Variants in NRXN3 observed in about 807,000 individuals in gnomAD.
NRXN3 encodes neurexin III.
In NRXN3, 32 loss-of-function variants were observed where a neutral mutation model predicts 137.6. That is an observed-to-expected ratio of 0.23 (90% confidence interval 0.18 to 0.31). NRXN3 has a LOEUF of 0.31. Ranked by LOEUF, NRXN3 falls within the 10% of genes least tolerant of loss-of-function variation. The probability of loss-of-function intolerance (pLI) is 1.00; values close to 1 mark genes in which losing one functional copy is unlikely to be tolerated. For synonymous variants in NRXN3, 798 were observed against 784.5 expected, an observed-to-expected ratio of 1.02 and a Z score of -0.29; for missense variants, 1,574 against 2,062.5, an observed-to-expected ratio of 0.76 and a Z score of 4.59.
chr14:79,546,970 G>C (rs1315535810), intron 16 of NRXN3, among the ~76,000 whole-genome samples: 1 of 152,132 alleles, frequency 6.6e-6, no homozygotes, highest in Non-Finnish European at 1.5e-5. Flanking sequence ...ACCAGGAAAA[G>C]CTCTGATTAT....
At chr14:79,198,923 T>C (rs899685699) in intron 15 of NRXN3, among the ~76,000 whole-genome samples, 3 of 152,098 alleles carry the variant, frequency 2.0e-5, no homozygotes, top group Non-Finnish European at 4.4e-5. Flanking sequence ...ATCCAGCACT[T>C]TGGGAGGCCG....
chr14:79,272,216 G>GT (rs71131691), intron 15 of NRXN3, among the ~76,000 whole-genome samples: 89,775 of 132,534 alleles, frequency 0.68, 30,524 homozygotes, highest in African/African-American at 0.76. Flanking sequence ...TTTGGTTTAG[G>GT]TTTTTTTTTT....
chr14:78,728,811 A>C (rs2098500185), intron 8 of NRXN3, among the ~76,000 whole-genome samples: 1 of 152,208 alleles, frequency 6.6e-6, no homozygotes, highest in African/African-American at 2.4e-5. Flanking sequence ...AGGCAGGAGA[A>C]TCGCATGAAC....
At chr14:78,516,177 A>G (rs929713828) in intron 4 of NRXN3, among the ~76,000 whole-genome samples, 2 of 151,934 alleles carry the variant, frequency 1.3e-5, no homozygotes, top group Non-Finnish European at 2.9e-5. Flanking sequence ...AAAAGTGAGA[A>G]GGCCAATATA....
intron 16 of NRXN3, among the ~76,000 whole-genome samples, chr14:79,492,542 C>G (rs140161646): frequency 2.1e-4 from 32 of 152,120 alleles, no homozygotes; most frequent in African/African-American, 7.5e-4. Context: ...GCTACCATGC[C>G]CAGCTAACTT....
chr14:79,070,831 C>A (rs545536888), intron 15 of NRXN3, among the ~76,000 whole-genome samples: 1 of 152,200 alleles, frequency 6.6e-6, no homozygotes, highest in East Asian at 1.9e-4. Flanking sequence ...GAAAAAAATA[C>A]GTCCAGATTA....
chr14:79,862,091 C>T lies in NRXN3; in HGVS notation c.*127C>T. ...TATGAAATGGGGTATATAACCACGA[C>T]TCTGGTGGGGAAAACCGTTTTTTAA... is the stretch of plus-strand genomic sequence containing the variant. On this transcript the variant is annotated 3_prime_UTR_variant, in exon 21 of 21. Coordinates refer to ENST00000335750, the MANE Select transcript of NRXN3 (RefSeq NM_001330195.2). 1 of 800,564 alleles carries T rather than the reference C, an allele frequency of 1.2e-6. No homozygotes were observed. Among genetic ancestry groups the T allele is most frequent in the Non-Finnish European group, 2.0e-6 (1 of 508,916 alleles). The allele number at this position is 800,564 out of a possible 1,614,324, so 49.6% of individuals were successfully genotyped here. A position where few individuals can be genotyped will look rare whatever the true frequency, so the allele number is the denominator to read the frequency against.
At chr14:79,665,169 G>A (rs142959764) in intron 17 of NRXN3, among the ~76,000 whole-genome samples, 34 of 152,228 alleles carry the variant, frequency 2.2e-4, no homozygotes, top group Middle Eastern at 3.4e-3. Flanking sequence ...CTGTTGGGTT[G>A]TTCCCTAACT....
chr14:78,734,244 C>T (rs1233190540), intron 8 of NRXN3, among the ~76,000 whole-genome samples: 1 of 151,322 alleles, frequency 6.6e-6, no homozygotes, highest in African/African-American at 2.4e-5. Flanking sequence ...CACACACACA[C>T]ACACACACAC....
At chr14:78,756,005 G>A (rs2098666524) in intron 8 of NRXN3, among the ~76,000 whole-genome samples, 1 of 152,102 alleles carries the variant, frequency 6.6e-6, no homozygotes, top group African/African-American at 2.4e-5. Flanking sequence ...TGATGGTTTT[G>A]GACATGGAAA....
At chr14:78,967,146 T>C (rs1007663672) in intron 12 of NRXN3, 62 bp from the exon 13 acceptor site, 6 of 1,439,216 alleles carry the variant, frequency 4.2e-6, no homozygotes, top group African/African-American at 1.4e-5. Context: ...GTTACACACA[T>C]ATAGCCATTA....
chr14:79,241,836 G>A (rs1034712873), intron 15 of NRXN3, among the ~76,000 whole-genome samples: 1 of 152,152 alleles, frequency 6.6e-6, no homozygotes, highest in Admixed American at 6.5e-5. Flanking sequence ...GGAGGCTGAG[G>A]CAGACAGATC....
intron 10 of NRXN3, among the ~76,000 whole-genome samples, chr14:78,884,254 T>G (rs78756162): frequency 0.054 from 8,272 of 152,188 alleles, 414 homozygotes; most frequent in East Asian, 0.27. Context: ...AGCATTTATT[T>G]TTTGGGTATT....
intron 16 of NRXN3, among the ~76,000 whole-genome samples, chr14:79,519,752 G>C (rs1442250865): frequency 6.8e-6 from 1 of 146,074 alleles, no homozygotes; most frequent in African/African-American, 2.6e-5. Flanking sequence ...ATCAGAAAAT[G>C]TGTACAATAG....
intron 4 of NRXN3, among the ~76,000 whole-genome samples, chr14:78,422,839 G>C (rs2093503591): frequency 6.6e-6 from 1 of 152,204 alleles, no homozygotes; most frequent in Non-Finnish European, 1.5e-5. Context: ...CAGTGCATTT[G>C]AGACCAAGCA....
chr14:79,793,351 C>T (rs2099151381), intron 19 of NRXN3, among the ~76,000 whole-genome samples: 1 of 152,076 alleles, frequency 6.6e-6, no homozygotes, highest in Non-Finnish European at 1.5e-5. Context: ...GGAGGCGGAG[C>T]TTGCAGTGAG....
At chr14:79,348,314 G>C (rs1264743203) in intron 15 of NRXN3, among the ~76,000 whole-genome samples, 1 of 151,834 alleles carries the variant, frequency 6.6e-6, no homozygotes. Context: ...GTAGGTAACA[G>C]AGAGCTGAAA....
At chr14:78,563,042 C>A (rs2096801875) in intron 4 of NRXN3, among the ~76,000 whole-genome samples, 1 of 152,174 alleles carries the variant, frequency 6.6e-6, no homozygotes, top group South Asian at 2.1e-4. Context: ...AAATAGCTGG[C>A]AGTTGATGAG....
At chr14:79,191,973 A>G (rs2064399940) in intron 15 of NRXN3, among the ~76,000 whole-genome samples, 1 of 151,988 alleles carries the variant, frequency 6.6e-6, no homozygotes, top group African/African-American at 2.4e-5. Flanking sequence ...TGCTTACTAG[A>G]TGCTGCTTGC....
Sources: allele counts gnomAD v4.1 joint callset (sites outside exome capture counted in the v4.1 genomes callset), GRCh38; gene constraint gnomAD v4.1.1; transcripts MANE v1.5; gene names NCBI Gene and HGNC (gene_info 2026-07-23, HGNC 2026-07-21).